The following NR4A3 variants were observed in gnomAD, a reference collection of about 807,000 sequenced individuals.
NR4A3 encodes chondrosarcoma, extraskeletal myxoid, fused to EWS.
A neutral mutation model predicts 55.6 loss-of-function variants in NR4A3; 13 were observed. The ratio of observed to expected loss-of-function variants is 0.23; its 90% CI spans 0.15 to 0.37. The LOEUF (loss-of-function observed/expected upper bound fraction) is 0.37, where lower values mean the gene tolerates loss of function less well. NR4A3 is among the 10% of genes least tolerant of loss of function. The probability of loss-of-function intolerance (pLI) is 1.00; values close to 1 mark genes in which losing one functional copy is unlikely to be tolerated. For missense variants in NR4A3, 646 were observed against 822.8 expected (o/e 0.79, Z 2.63); for synonymous variants, 342 against 357.9 (o/e 0.96, Z 0.50).
rs540889752 is a variant in NR4A3, at chr9:99,844,592, G to A, written c.1255-57G>A. On this transcript the variant is annotated intron_variant, in intron 5 of 7. Coordinates refer to ENST00000395097, the MANE Select transcript of NR4A3 (RefSeq NM_006981.4). ...GTCTTGGAAGGGCCTGTTTGCAAGT[G>A]ATGCCATCATCCCCACTGAAGCAGG... The A allele has an allele frequency of 4.8e-6, 7 of 1,448,536 alleles. No homozygotes were observed. The East Asian group carries it at 1.4e-4, about 28-fold the overall frequency. 89.7% of individuals were successfully genotyped at this position (1,448,536 alleles called of 1,614,324 possible).
chr9:99,849,612 A>G (rs1827815530), intron 7 of NR4A3, among the ~76,000 whole-genome samples: 1 of 152,246 alleles, frequency 6.6e-6, no homozygotes, highest in Admixed American at 6.5e-5. Flanking sequence ...TACGTCAGTT[A>G]AACATTCAAA....
At chr9:99,842,566 A>G (rs1427315113) in intron 5 of NR4A3, among the ~76,000 whole-genome samples, 1 of 152,136 alleles carries the variant, frequency 6.6e-6, no homozygotes, top group Non-Finnish European at 1.5e-5. Context: ...CCCTGTCTCT[A>G]CTAAAAATAC....
chr9:99,855,259 G>A (rs568919846), intron 7 of NR4A3, among the ~76,000 whole-genome samples: 24 of 152,272 alleles, frequency 1.6e-4, no homozygotes, highest in African/African-American at 5.3e-4. Context: ...CTTAAGGACA[G>A]GGAGAGTCTT....
At chr9:99,847,319 A>T in intron 6 of NR4A3, 118 bp from the exon 7 acceptor site, 2 of 884,582 alleles carry the variant, frequency 2.3e-6, no homozygotes, top group South Asian at 3.1e-5. Flanking sequence ...GCTTCATAGC[A>T]CCACACTGGG....
chr9:99,848,864 C>T (rs574825865), intron 7 of NR4A3, among the ~76,000 whole-genome samples: 84 of 152,274 alleles, frequency 5.5e-4, no homozygotes, highest in African/African-American at 1.9e-3. Flanking sequence ...TCCTGTTAGA[C>T]CTCATTCTTT....
chr9:99,834,027 A>G, intron 5 of NR4A3: 1 of 1,096,294 alleles, frequency 9.1e-7, no homozygotes, highest in Non-Finnish European at 1.1e-6. Flanking sequence ...TCTCCTGCCT[A>G]CAGTGGAAAT....
chr9:99,842,468 C>T lies in NR4A3; in HGVS notation c.1255-2181C>T, dbSNP rs138378965. ...TTCATAGGCCAGACGCGGTGGCTCACGCCTGTAATCCCACCACTTCAGGAG... is the reference window on the plus strand; with the variant it reads ...TTCATAGGCCAGACGCGGTGGCTCATGCCTGTAATCCCACCACTTCAGGAG... On this transcript the variant is annotated intron_variant, in intron 5 of 7. Transcript: ENST00000395097. Among the ~76,000 whole-genome samples the T allele has an allele frequency of 6.6e-5, 10 of 152,236 alleles. No homozygotes were observed. In the East Asian group the frequency reaches 9.6e-4, roughly 15 times the overall value.
chr9:99,832,725 G>A lies in NR4A3; in HGVS notation c.988G>A (p.Ala330Thr). 6.2e-7 allele frequency: 1 copy of A among 1,608,872 alleles called. No homozygotes were observed. The highest frequency in any genetic ancestry group is 1.1e-5 in the South Asian group (1 of 90,602). Reference protein sequence around the residue: ...VQKNAKYVCLANKNCPVDKRR... With the variant: ...VQKNAKYVCLTNKNCPVDKRR... ...GAAAAATGCAAAATATGTTTGCCTG[G>A]CAAATAAAAACTGCCCAGTAGACAA... Residue 330 changes from alanine to threonine, a missense_variant, in exon 4 of 8, where the codon GCA becomes ACA. This residue lies in a region of NR4A3 where 44 missense variants were observed against 119.3 expected (regional missense o/e 0.37). Transcript: ENST00000395097.
intron 6 of NR4A3, 54 bp from the exon 7 acceptor site, chr9:99,847,383 T>C: frequency 5.2e-6 from 8 of 1,539,130 alleles, no homozygotes; most frequent in Non-Finnish European, 7.2e-6. Context: ...AATGTTATCA[T>C]GTTGGACAGA....
At chr9:99,852,099 T>C (rs1827859037) in intron 7 of NR4A3, among the ~76,000 whole-genome samples, 2 of 152,224 alleles carry the variant, frequency 1.3e-5, no homozygotes, top group Admixed American at 6.5e-5. Context: ...TCCAGATTAC[T>C]GCTAACTTTT....
At chr9:99,844,085 A>G (rs1421750480) in intron 5 of NR4A3, among the ~76,000 whole-genome samples, 1 of 150,554 alleles carries the variant, frequency 6.6e-6, no homozygotes, top group Admixed American at 6.6e-5. Flanking sequence ...CTTCTAACAC[A>G]TTCCTGGGTG....
chr9:99,842,456 C>T lies in NR4A3; in HGVS notation c.1255-2193C>T, dbSNP rs186586818. 1.3e-3 allele frequency among the ~76,000 whole-genome samples: 193 copies of T among 152,228 alleles called. 2 individuals are homozygous for T. Among genetic ancestry groups the T allele is most frequent in the Middle Eastern group, 3.4e-3 (1 of 294 alleles). On this transcript the variant is annotated intron_variant, in intron 5 of 7. Transcript: ENST00000395097. ...CTTTTTAAAGATTTCATAGGCCAGA[C>T]GCGGTGGCTCACGCCTGTAATCCCA...
intron 7 of NR4A3, among the ~76,000 whole-genome samples, chr9:99,859,206 G>T (rs563065210): frequency 2.6e-5 from 4 of 152,298 alleles, no homozygotes; most frequent in Non-Finnish European, 4.4e-5. Context: ...AATCTGCTGT[G>T]TATAATTCTC....
chr9:99,840,542 G>A (rs1827633826), intron 5 of NR4A3, among the ~76,000 whole-genome samples: 1 of 152,130 alleles, frequency 6.6e-6, no homozygotes, highest in Admixed American at 6.5e-5. Flanking sequence ...CAAGTTCCAG[G>A]CAATAACATC....
chr9:99,827,956 A>C, intron 2 of NR4A3, 85 bp from the exon 3 acceptor site: 1 of 1,472,900 alleles, frequency 6.8e-7, no homozygotes. Context: ...TTCCCAGATT[A>C]GAGAACAGTG....
chr9:99,827,258 A>ATGTGTGTG (rs35554489), intron 2 of NR4A3, among the ~76,000 whole-genome samples: 25 of 145,122 alleles, frequency 1.7e-4, no homozygotes, highest in African/African-American at 4.4e-4. Context: ...GGATATATAT[A>ATGTGTGTG]TGTGTGTGTG....
rs757047813 is a variant in NR4A3 at position 99,821,959 on chromosome 9, T to G, written c.-625T>G. 8.5e-6 allele frequency: 1 copy of G among 118,134 alleles called. No individual in the cohort carries two copies. Among genetic ancestry groups the G allele is most frequent in the South Asian group, 3.0e-4 (1 of 3,296 alleles). The allele number at this position is 118,134 out of a possible 1,614,324, so 7.3% of individuals were successfully genotyped here. A position where few individuals can be genotyped will look rare whatever the true frequency, so the allele number is the denominator to read the frequency against. ...GCTCCTGCTCCTCCTCCGCTCCCCA[T>G]ACACAGACGCGCTCACACCCGCTCC... is the stretch of plus-strand genomic sequence containing the variant. On this transcript the variant is annotated 5_prime_UTR_variant, in exon 1 of 8. Coordinates refer to ENST00000395097, the MANE Select transcript of NR4A3 (RefSeq NM_006981.4).
chr9:99,831,841 T>C (rs926443083), intron 3 of NR4A3, among the ~76,000 whole-genome samples: 2 of 152,234 alleles, frequency 1.3e-5, no homozygotes, highest in African/African-American at 4.8e-5. Context: ...ATATGGATTC[T>C]GAAAAATACA....
rs563446064 is a variant in NR4A3, at chr9:99,833,921, C to T, written c.1254+467C>T. Reference sequence around the variant, plus strand: ...GGATTAGACCATTGGTGGAGAGAAGCGAGCTCTGGCTGTGACATCAGTTGT... The same window carrying T: ...GGATTAGACCATTGGTGGAGAGAAGTGAGCTCTGGCTGTGACATCAGTTGT... On this transcript the variant is annotated intron_variant, in intron 5 of 7. Coordinates refer to ENST00000395097, the MANE Select transcript of NR4A3 (RefSeq NM_006981.4). 83 of 1,183,526 alleles carry T rather than the reference C, an allele frequency of 7.0e-5. No individual in the cohort carries two copies. The South Asian group carries it at 9.0e-4, about 13-fold the overall frequency. 73.3% of individuals were successfully genotyped at this position (1,183,526 alleles called of 1,614,324 possible).
Sources: gnomAD v4.1 joint callset for allele counts (sites outside exome capture counted in the v4.1 genomes callset) on GRCh38, gnomAD v4.1.1 for gene constraint, gnomAD v4.1.1 regional missense constraint, MANE v1.5 for transcripts, NCBI Gene and HGNC (gene_info 2026-07-23, HGNC 2026-07-21) for gene names.